GABBR2: variants seen among roughly 807,000 people sequenced by gnomAD.
GABBR2 encodes G-protein coupled receptor 51.
In GABBR2, 23 loss-of-function variants were observed where a neutral mutation model predicts 105.6. That is an observed-to-expected ratio of 0.22 (90% CI 0.16 to 0.31). The LOEUF is 0.31. Ranked by LOEUF, GABBR2 falls within the 10% of genes least tolerant of loss-of-function variation. The probability of loss-of-function intolerance (pLI) is 1.00; values close to 1 mark genes in which losing one functional copy is unlikely to be tolerated. For synonymous variants in GABBR2, 478 were observed against 499.7 expected, an observed-to-expected ratio of 0.96 and a Z score of 0.58; for missense variants, 734 against 1,245.5, an observed-to-expected ratio of 0.59 and a Z score of 6.18.
intron 7 of GABBR2, among the ~76,000 whole-genome samples, chr9:98,429,155 T>TGTGTGTGTGTGTGTGTGTG (rs1554704942): frequency 4.0e-5 from 6 of 151,710 alleles, no homozygotes; most frequent in Non-Finnish European, 5.9e-5. Context: ...TGTGTGTGTG[T>TGTGTGTGTGTGTGTGTGTG]TTGAGACAAA....
At chr9:98,300,179 C>G (rs951267765) in intron 16 of GABBR2, among the ~76,000 whole-genome samples, 5 of 151,884 alleles carry the variant, frequency 3.3e-5, no homozygotes, top group African/African-American at 1.2e-4. Flanking sequence ...ATTACTATTA[C>G]TGATACTTAA....
At chr9:98,394,819 C>A (rs907910732) in intron 8 of GABBR2, among the ~76,000 whole-genome samples, 2 of 150,476 alleles carry the variant, frequency 1.3e-5, no homozygotes, top group African/African-American at 4.9e-5. Context: ...CTGACCAGTG[C>A]ACTTTTGGCA....
At chr9:98,429,121 G>GGTGTGTGTGTGTGTGTGTGTGTGT (rs56248488) in intron 7 of GABBR2, among the ~76,000 whole-genome samples, 26 of 145,576 alleles carry the variant, frequency 1.8e-4, no homozygotes, top group African/African-American at 4.0e-4. Flanking sequence ...CCAGGTTTTT[G>GGTGTGTGTGTGTGTGTGTGTGTGT]GTGTGTGTGT....
At chr9:98,607,022 C>A in intron 1 of GABBR2, 1 of 1,084,338 alleles carries the variant, frequency 9.2e-7, no homozygotes, top group Non-Finnish European at 1.4e-6. Flanking sequence ...CCCCTGAAGG[C>A]TATGTGGGAT....
chr9:98,705,407 TTCCTTGCTAAATC>T (rs1830881139), intron 1 of GABBR2, among the ~76,000 whole-genome samples: 1 of 152,184 alleles, frequency 6.6e-6, no homozygotes, highest in South Asian at 2.1e-4. Context: ...GATTAACCCA[TTCCTTGCTAAATC>T]TCCATCTCTC....
At chr9:98,404,289 G>A (rs909946501) in intron 8 of GABBR2, among the ~76,000 whole-genome samples, 31 of 151,820 alleles carry the variant, frequency 2.0e-4, no homozygotes, top group East Asian at 1.7e-3. Context: ...AAATAATTAC[G>A]TTTGCCTAAA....
chr9:98,536,352 A>G (rs1320233192), intron 3 of GABBR2, among the ~76,000 whole-genome samples: 1 of 152,160 alleles, frequency 6.6e-6, no homozygotes, highest in East Asian at 1.9e-4. Flanking sequence ...AGACCCAGAG[A>G]CAGCAAGTGA....
chr9:98,557,030 C>G (rs1828596939), intron 2 of GABBR2, among the ~76,000 whole-genome samples: 1 of 152,134 alleles, frequency 6.6e-6, no homozygotes, highest in African/African-American at 2.4e-5. Flanking sequence ...GGCAACCCAG[C>G]AAGACCCTAC....
intron 13 of GABBR2, among the ~76,000 whole-genome samples, chr9:98,344,280 T>C (rs1831267170): frequency 6.6e-6 from 1 of 152,184 alleles, no homozygotes; most frequent in African/African-American, 2.4e-5. Context: ...GTCCAACACC[T>C]ACTCACCGTC....
intron 2 of GABBR2, among the ~76,000 whole-genome samples, chr9:98,566,798 C>CAAAAAAAAAAA (rs55752458): frequency 1.1e-5 from 1 of 88,202 alleles, no homozygotes; most frequent in African/African-American, 4.4e-5. Context: ...AAGACACTGT[C>CAAAAAAAAAAA]AAAAAAAAAA....
At chr9:98,421,235 T>A (rs1414596026) in intron 7 of GABBR2, among the ~76,000 whole-genome samples, 1 of 152,220 alleles carries the variant, frequency 6.6e-6, no homozygotes. Flanking sequence ...TTGTGCCACA[T>A]CATTTTGATG....
At chr9:98,291,019 G>A (rs1002518137) in intron 18 of GABBR2, among the ~76,000 whole-genome samples, 3 of 152,136 alleles carry the variant, frequency 2.0e-5, no homozygotes, top group African/African-American at 7.2e-5. Context: ...AGGATTTGGT[G>A]GTTATTATAA....
At chr9:98,588,843 G>T (rs1829109553) in intron 1 of GABBR2, among the ~76,000 whole-genome samples, 1 of 152,184 alleles carries the variant, frequency 6.6e-6, no homozygotes, top group Admixed American at 6.5e-5. Flanking sequence ...CATTCCATGG[G>T]TATTCTGTGC....
chr9:98,500,747 G>A (rs1254255282), intron 3 of GABBR2, among the ~76,000 whole-genome samples: 1 of 152,224 alleles, frequency 6.6e-6, no homozygotes, highest in Non-Finnish European at 1.5e-5. Context: ...AAGAACTGGT[G>A]TGGCCCATCC....
chr9:98,362,870 T>C (rs1036772558), intron 12 of GABBR2, 33 bp from the exon 13 acceptor site: 24 of 1,470,592 alleles, frequency 1.6e-5, no homozygotes, highest in Admixed American at 2.3e-5. Flanking sequence ...GGGGAGCCGA[T>C]GTGAGAGACA....
chr9:98,572,559 C>T (rs1828847354), intron 2 of GABBR2, among the ~76,000 whole-genome samples: 1 of 152,172 alleles, frequency 6.6e-6, no homozygotes, highest in African/African-American at 2.4e-5. Context: ...GTAGACCCAC[C>T]CATCCACCCC....
intron 3 of GABBR2, among the ~76,000 whole-genome samples, chr9:98,499,299 GACAAAACAC>G (rs1404831922): frequency 3.3e-5 from 5 of 152,202 alleles, no homozygotes; most frequent in Middle Eastern, 3.2e-3. Flanking sequence ...AAAACGAATA[GACAAAACAC>G]ACCCTAGAGG....
intron 13 of GABBR2, among the ~76,000 whole-genome samples, chr9:98,344,412 A>G (rs1370222991): frequency 6.6e-6 from 1 of 152,198 alleles, no homozygotes; most frequent in Admixed American, 6.5e-5. Flanking sequence ...CTATATCTGA[A>G]ATGCAGAAAC....
intron 1 of GABBR2, among the ~76,000 whole-genome samples, chr9:98,628,697 C>T (rs1169590129): frequency 6.6e-6 from 1 of 152,178 alleles, no homozygotes; most frequent in Non-Finnish European, 1.5e-5. Flanking sequence ...ACCCCTCACA[C>T]ACCACCCTGC....
Sources: gnomAD v4.1 joint callset for allele counts (sites outside exome capture counted in the v4.1 genomes callset) on GRCh38, gnomAD v4.1.1 for gene constraint, MANE v1.5 for transcripts, NCBI Gene and HGNC (gene_info 2026-07-23, HGNC 2026-07-21) for gene names.